ENOX1: variants seen among roughly 807,000 people sequenced by gnomAD.
ENOX1 encodes ecto-NOX disulfide-thiol exchanger 1.
ENOX1 carries 42 observed loss-of-function variants against 82.5 expected under a neutral mutation model. That is an observed-to-expected ratio of 0.51 (90% confidence interval 0.40 to 0.66). ENOX1 has a LOEUF of 0.66. Ranked by LOEUF, ENOX1 falls within the 30% of genes least tolerant of loss-of-function variation. The probability of loss-of-function intolerance (pLI) is 0.00; values close to 1 mark genes in which losing one functional copy is unlikely to be tolerated. For synonymous variants in ENOX1, 271 were observed against 282.2 expected (o/e 0.96, Z 0.40); for missense variants, 608 against 811.6 (o/e 0.75, Z 3.05).
chr13:43,579,136 T>TAG (rs2080585324), intron 2 of ENOX1, among the ~76,000 whole-genome samples: 1 of 152,084 alleles, frequency 6.6e-6, no homozygotes, highest in African/African-American at 2.4e-5. Flanking sequence ...ACTCAAAGTG[T>TAG]AGAGAATAGT....
At chr13:43,575,144 CTTTAATA>C (rs1281003735) in intron 2 of ENOX1, among the ~76,000 whole-genome samples, 4 of 152,168 alleles carry the variant, frequency 2.6e-5, no homozygotes, top group African/African-American at 7.2e-5. Context: ...TCGCTTGGCC[CTTTAATA>C]TTTAACTTCA....
chr13:43,708,574 G>A (rs577473797), intron 1 of ENOX1, among the ~76,000 whole-genome samples: 83 of 152,176 alleles, frequency 5.5e-4, no homozygotes, highest in Non-Finnish European at 1.1e-3. Context: ...TAAGGTGGCT[G>A]CAGACCCATA....
chr13:43,748,489 A>G (rs958243541), intron 1 of ENOX1, among the ~76,000 whole-genome samples: 1 of 152,210 alleles, frequency 6.6e-6, no homozygotes, highest in Non-Finnish European at 1.5e-5. Flanking sequence ...TGTATGAAAC[A>G]GTCTGATTTG....
intron 12 of ENOX1, among the ~76,000 whole-genome samples, chr13:43,278,706 T>C (rs1235269305): frequency 2.0e-5 from 3 of 152,252 alleles, no homozygotes; most frequent in Admixed American, 6.5e-5. Context: ...TTAATACTTA[T>C]GATTTACTGG....
Position 43,447,955 on chromosome 13 carries a change from A to C in ENOX1, c.-74-34967T>G, listed in dbSNP as rs141729674. 1.7e-3 allele frequency among the ~76,000 whole-genome samples: 263 copies of C among 152,350 alleles called. 4 individuals carry two copies. The highest frequency in any genetic ancestry group is 6.1e-3 in the African/African-American group (255 of 41,588). On this transcript the variant is annotated intron_variant, in intron 3 of 16. Transcript: ENST00000690772. ...CAGAAAAGCATATACAGATATAGAA[A>C]TGTTTAGTCCTAGCCGTGGTTCCTG...
intron 8 of ENOX1, among the ~76,000 whole-genome samples, chr13:43,345,625 T>C (rs981093048): frequency 6.6e-6 from 1 of 152,178 alleles, no homozygotes; most frequent in African/African-American, 2.4e-5. Context: ...TGTGGGTGAT[T>C]AAGTTAATTA....
intron 14 of ENOX1, among the ~76,000 whole-genome samples, chr13:43,256,601 C>G (rs764193992): frequency 4.6e-5 from 7 of 151,692 alleles, no homozygotes; most frequent in Non-Finnish European, 8.8e-5. Context: ...AAATCAAAAC[C>G]ACAGTGAGAT....
intron 2 of ENOX1, among the ~76,000 whole-genome samples, chr13:43,644,664 C>A (rs1381443154): frequency 6.6e-6 from 1 of 152,156 alleles, no homozygotes; most frequent in African/African-American, 2.4e-5. Context: ...ATGTGGACTG[C>A]ATAACTATCC....
chr13:43,689,698 A>G (rs1346454798), intron 1 of ENOX1, among the ~76,000 whole-genome samples: 1 of 152,232 alleles, frequency 6.6e-6, no homozygotes, highest in Non-Finnish European at 1.5e-5. Context: ...ATTCTGCATC[A>G]AACATTTTAT....
intron 1 of ENOX1, among the ~76,000 whole-genome samples, chr13:43,781,771 A>G (rs1952280644): frequency 6.6e-6 from 1 of 152,140 alleles, no homozygotes; most frequent in African/African-American, 2.4e-5. Flanking sequence ...TCGACCTCTC[A>G]AAGTGCTGGG....
At chr13:43,454,674 T>A (rs999508692) in intron 3 of ENOX1, among the ~76,000 whole-genome samples, 1 of 152,162 alleles carries the variant, frequency 6.6e-6, no homozygotes, top group Non-Finnish European at 1.5e-5. Context: ...ACTATGACCA[T>A]GTAATATTGT....
At chr13:43,436,512 G>A (rs1363858231) in intron 3 of ENOX1, among the ~76,000 whole-genome samples, 1 of 152,170 alleles carries the variant, frequency 6.6e-6, no homozygotes, top group East Asian at 1.9e-4. Flanking sequence ...GTCATGGAGA[G>A]CAGATTTACA....
At chr13:43,723,631 G>C (rs2088723500) in intron 1 of ENOX1, among the ~76,000 whole-genome samples, 1 of 152,184 alleles carries the variant, frequency 6.6e-6, no homozygotes, top group Non-Finnish European at 1.5e-5. Context: ...CCAAGACAAT[G>C]TGAGAGTCAC....
intron 7 of ENOX1, among the ~76,000 whole-genome samples, chr13:43,357,559 G>A (rs950936498): frequency 2.0e-5 from 3 of 152,160 alleles, no homozygotes; most frequent in Non-Finnish European, 2.9e-5. Context: ...TGTGGGCCAT[G>A]GGAACTTAAC....
intron 3 of ENOX1, among the ~76,000 whole-genome samples, chr13:43,458,701 A>G (rs1461848278): frequency 6.6e-6 from 1 of 152,206 alleles, no homozygotes; most frequent in Non-Finnish European, 1.5e-5. Flanking sequence ...ATTCTATTTA[A>G]CTACAAAATT....
chr13:43,585,709 C>T (rs2153722132), intron 2 of ENOX1, among the ~76,000 whole-genome samples: 1 of 152,304 alleles, frequency 6.6e-6, no homozygotes, highest in Admixed American at 6.5e-5. Flanking sequence ...TCCCAAGTAG[C>T]TGGGATTACA....
intron 1 of ENOX1, among the ~76,000 whole-genome samples, chr13:43,691,175 A>G (rs1270596586): frequency 2.0e-5 from 3 of 152,102 alleles, no homozygotes; most frequent in Admixed American, 6.5e-5. Flanking sequence ...AAAACCATTT[A>G]CCAATACTGT....
rs972461908 is a variant in ENOX1, at chr13:43,313,769, T to C, written c.1261+8615A>G. 2.0e-5 allele frequency among the ~76,000 whole-genome samples: 3 copies of C among 152,226 alleles called. 1 individual carries two copies. Among genetic ancestry groups the C allele is most frequent in the Middle Eastern group, 6.3e-3 (2 of 316 alleles). ...ACTTCACAACATATTGAGAACTTTC[T>C]TTCATTCCATTATATAGTCTAAACC... On this transcript the variant is annotated intron_variant, in intron 11 of 16. Coordinates refer to ENST00000690772, the MANE Select transcript of ENOX1 (RefSeq NM_001347969.2).
chr13:43,449,560 A>T (rs1216922099), intron 3 of ENOX1, among the ~76,000 whole-genome samples: 1 of 152,238 alleles, frequency 6.6e-6, no homozygotes, highest in African/African-American at 2.4e-5. Flanking sequence ...ACAAATTTTA[A>T]TTTCTTAATA....
Sources: gnomAD v4.1 joint callset for allele counts (sites outside exome capture counted in the v4.1 genomes callset) on GRCh38, gnomAD v4.1.1 for gene constraint, MANE v1.5 for transcripts, NCBI Gene and HGNC (gene_info 2026-07-23, HGNC 2026-07-21) for gene names.